The following PDE4B variants were observed in gnomAD, a reference collection of about 807,000 sequenced individuals.
The protein encoded by PDE4B is phosphodiesterase 4B, also known as 3',5'-cyclic-AMP phosphodiesterase 4B.
PDE4B carries 20 observed loss-of-function variants against 82.2 expected under a neutral mutation model. The observed-to-expected ratio is 0.24, with a 90% CI of 0.17 to 0.35. The LOEUF is 0.35. Ranked by LOEUF, PDE4B falls within the 10% of genes least tolerant of loss-of-function variation. The pLI is 1.00. For synonymous variants in PDE4B, 320 were observed against 318.9 expected, an observed-to-expected ratio of 1.00 and a Z score of -0.04; for missense variants, 655 against 907.2, an observed-to-expected ratio of 0.72 and a Z score of 3.57.
intron 3 of PDE4B, among the ~76,000 whole-genome samples, chr1:66,180,845 G>T (rs1438087825): frequency 6.6e-6 from 1 of 152,186 alleles, no homozygotes; most frequent in Non-Finnish European, 1.5e-5. Flanking sequence ...GAGAGAATGT[G>T]TGTATGTGTG....
At chr1:66,324,337 C>T (rs914885663) in intron 7 of PDE4B, among the ~76,000 whole-genome samples, 1 of 152,144 alleles carries the variant, frequency 6.6e-6, no homozygotes, top group South Asian at 2.1e-4. Context: ...CTCAATCTCT[C>T]TGTCCTTCTT....
chr1:65,908,393 G>A (rs913341379), intron 1 of PDE4B, among the ~76,000 whole-genome samples: 3 of 152,096 alleles, frequency 2.0e-5, no homozygotes, highest in Non-Finnish European at 2.9e-5. Context: ...AAAGACATTG[G>A]TAAATAACTG....
chr1:65,850,752 G>T (rs1646322673), intron 1 of PDE4B, among the ~76,000 whole-genome samples: 1 of 152,158 alleles, frequency 6.6e-6, no homozygotes, highest in South Asian at 2.1e-4. Context: ...TTTTCCCTCA[G>T]TCTGTATCTT....
intron 7 of PDE4B, among the ~76,000 whole-genome samples, chr1:66,279,164 C>T (rs576240260): frequency 7.2e-5 from 11 of 152,268 alleles, no homozygotes; most frequent in Admixed American, 2.0e-4. Flanking sequence ...AATGATGAGT[C>T]CTGCCTAATT....
At chr1:66,170,523 A>G (rs1646818053) in intron 3 of PDE4B, among the ~76,000 whole-genome samples, 1 of 152,190 alleles carries the variant, frequency 6.6e-6, no homozygotes, top group Non-Finnish European at 1.5e-5. Flanking sequence ...ACTATTTTAA[A>G]AAAGCTTTTC....
At chr1:65,844,698 C>G (rs570216228) in intron 1 of PDE4B, among the ~76,000 whole-genome samples, 2 of 152,036 alleles carry the variant, frequency 1.3e-5, no homozygotes, top group South Asian at 4.2e-4. Context: ...GTTTATTCTC[C>G]CCACAAACAC....
chr1:65,933,959 A>C (rs1484207925), intron 3 of PDE4B, among the ~76,000 whole-genome samples: 1 of 152,220 alleles, frequency 6.6e-6, no homozygotes, highest in Non-Finnish European at 1.5e-5. Flanking sequence ...TTTAACATCT[A>C]TAACATAGTG....
At chr1:66,370,825 G>T (rs2050731535) in intron 16 of PDE4B, among the ~76,000 whole-genome samples, 1 of 151,814 alleles carries the variant, frequency 6.6e-6, no homozygotes, top group South Asian at 2.1e-4. Context: ...AAAACACCTT[G>T]AAAATAGTCT....
At chr1:66,330,402 T>C (rs539962967) in intron 7 of PDE4B, among the ~76,000 whole-genome samples, 3 of 152,228 alleles carry the variant, frequency 2.0e-5, no homozygotes, top group Non-Finnish European at 4.4e-5. Flanking sequence ...CGGGTATAAT[T>C]ACTGTATGTA....
At chr1:65,814,800 G>C (rs575160280) in intron 1 of PDE4B, among the ~76,000 whole-genome samples, 1 of 151,886 alleles carries the variant, frequency 6.6e-6, no homozygotes, top group East Asian at 1.9e-4. Flanking sequence ...CCTGTTGATT[G>C]TCATTTAGGT....
intron 7 of PDE4B, among the ~76,000 whole-genome samples, chr1:66,316,618 A>C (rs1659047216): frequency 2.0e-5 from 3 of 152,248 alleles, no homozygotes; most frequent in South Asian, 2.1e-4. Flanking sequence ...CTGCACATTT[A>C]TGTTGGCAGG....
At chr1:65,879,783 T>C (rs1646689855) in intron 1 of PDE4B, among the ~76,000 whole-genome samples, 1 of 152,244 alleles carries the variant, frequency 6.6e-6, no homozygotes, top group Non-Finnish European at 1.5e-5. Context: ...AAGTCATTTA[T>C]ACATTTGAAC....
intron 3 of PDE4B, among the ~76,000 whole-genome samples, chr1:65,959,392 G>A (rs1016902600): frequency 1.3e-5 from 2 of 152,042 alleles, no homozygotes; most frequent in Non-Finnish European, 2.9e-5. Flanking sequence ...GAAATAGGTA[G>A]GGTACTATTT....
At position 66,096,520 on chromosome 1, in the gene PDE4B, A is replaced by ATATATG. The variant is rs1553145363; in HGVS notation, c.282-150935_282-150934insGTATAT. On this transcript the variant is annotated intron_variant, in intron 3 of 16. Coordinates refer to ENST00000341517, the MANE Select transcript of PDE4B (RefSeq NM_002600.4). ...TAAGTAAAAAAAATTATATATATAT[A>ATATATG]TATATATATATATATATATATACTG... Among the ~76,000 whole-genome samples, 245 of 130,952 alleles carry ATATATG rather than the reference A, an allele frequency of 1.9e-3. 6 individuals carry two copies. The highest frequency in any genetic ancestry group is 5.0e-3 in the South Asian group (21 of 4,192). 85.9% of individuals were successfully genotyped at this position (130,952 alleles called of 152,430 possible).
chr1:65,841,078 C>A (rs1488529165), intron 1 of PDE4B, among the ~76,000 whole-genome samples: 1 of 152,126 alleles, frequency 6.6e-6, no homozygotes, highest in African/African-American at 2.4e-5. Flanking sequence ...AGGTGGATTG[C>A]CTGAGCTCAG....
At chr1:66,273,189 A>C (rs997487845) in intron 7 of PDE4B, among the ~76,000 whole-genome samples, 3 of 152,082 alleles carry the variant, frequency 2.0e-5, no homozygotes, top group Admixed American at 6.6e-5. Context: ...CTTTGTCCTC[A>C]TCTCCCACTT....
At chr1:66,132,795 A>G (rs896866717) in intron 3 of PDE4B, among the ~76,000 whole-genome samples, 1 of 152,160 alleles carries the variant, frequency 6.6e-6, no homozygotes, top group East Asian at 1.9e-4. Context: ...TCACCAGCAT[A>G]CATTTTTGCA....
chr1:65,922,487 G>A (rs576407549), intron 3 of PDE4B, among the ~76,000 whole-genome samples: 125 of 152,296 alleles, frequency 8.2e-4, no homozygotes, highest in African/African-American at 2.6e-3. Context: ...CTTTAATACT[G>A]ATAAAGTTGA....
chr1:66,287,656 T>C (rs1028226041), intron 7 of PDE4B, among the ~76,000 whole-genome samples: 2 of 152,242 alleles, frequency 1.3e-5, no homozygotes, highest in African/African-American at 4.8e-5. Flanking sequence ...TGCCTCTGTT[T>C]CCCACACCAG....
Sources: allele counts gnomAD v4.1 joint callset (sites outside exome capture counted in the v4.1 genomes callset), GRCh38; gene constraint gnomAD v4.1.1; transcripts MANE v1.5; gene names NCBI Gene and HGNC (gene_info 2026-07-23, HGNC 2026-07-21).